KLF8: variants seen among roughly 807,000 people sequenced by gnomAD.
KLF8 encodes Krueppel-like factor 8.
KLF8 carries 10 observed loss-of-function variants against 18.2 expected under a neutral mutation model. That is an observed-to-expected ratio of 0.55 (90% CI 0.34 to 0.93). The LOEUF (loss-of-function observed/expected upper bound fraction) is 0.93, where lower values mean the gene tolerates loss of function less well. Among genes scored for constraint, KLF8 ranks in the 40% least tolerant of loss-of-function variants. The probability of loss-of-function intolerance (pLI) is 0.02; values close to 1 mark genes in which losing one functional copy is unlikely to be tolerated. For synonymous variants in KLF8, 109 were observed against 97.3 expected (o/e 1.12, Z -0.71); for missense variants, 264 against 277.9 (o/e 0.95, Z 0.36).
At chrX:56,192,148 G>T in the KLF8 span, among the ~76,000 whole-genome samples, 1 of 111,698 alleles carries the variant, frequency 9.0e-6, no homozygotes, top group Non-Finnish European at 1.9e-5. Flanking sequence ...AAGTGAACAT[G>T]CAAAAATCAG....
chrX:56,081,563 T>C, the KLF8 span, among the ~76,000 whole-genome samples: 3 of 112,209 alleles, frequency 2.7e-5, no homozygotes, highest in Admixed American at 2.8e-4. Flanking sequence ...TTCCTGATTT[T>C]ATTGGGAAAC....
chrX:56,109,751 A>G, the KLF8 span, among the ~76,000 whole-genome samples: 1 of 76,372 alleles, frequency 1.3e-5, no homozygotes, highest in African/African-American at 5.0e-5. Context: ...TGTTTCTCAT[A>G]ACTTATTTTT....
At chrX:56,082,600 A>G in the KLF8 span, among the ~76,000 whole-genome samples, 2 of 110,092 alleles carry the variant, frequency 1.8e-5, no homozygotes, top group African/African-American at 6.6e-5. Context: ...ACAGCTATAA[A>G]TTGCCCTTTT....
chrX:56,044,437 T>C, the KLF8 span, among the ~76,000 whole-genome samples: 1 of 112,420 alleles, frequency 8.9e-6, no homozygotes, highest in African/African-American at 3.2e-5. Context: ...AGATGTCAGC[T>C]TATCATCCCA....
chrX:56,033,161 T>A, the KLF8 span, among the ~76,000 whole-genome samples: 1 of 111,435 alleles, frequency 9.0e-6, no homozygotes, highest in Non-Finnish European at 1.9e-5. Flanking sequence ...ACCTGTACCT[T>A]CTTAGCAACA....
chrX:56,194,568 G>T, the KLF8 span, among the ~76,000 whole-genome samples: 1 of 112,539 alleles, frequency 8.9e-6, no homozygotes, highest in East Asian at 2.8e-4. Context: ...TGCTCGAACT[G>T]GGCAGAGCCC....
the KLF8 span, among the ~76,000 whole-genome samples, chrX:55,956,949 A>G: frequency 9.0e-6 from 1 of 111,508 alleles, no homozygotes; most frequent in Non-Finnish European, 1.9e-5. Flanking sequence ...GCTTTTGGTG[A>G]CATATCCAAG....
At chrX:56,012,798 G>A in the KLF8 span, among the ~76,000 whole-genome samples, 3 of 111,210 alleles carry the variant, frequency 2.7e-5, no homozygotes, top group Non-Finnish European at 5.7e-5. Context: ...GTAATTTATA[G>A]ATTCAGTGCT....
chrX:56,122,580 T>C, the KLF8 span, among the ~76,000 whole-genome samples: 1 of 111,391 alleles, frequency 9.0e-6, no homozygotes, highest in South Asian at 3.7e-4. Context: ...CATGTGTTAT[T>C]TTTTAATTAA....
At chrX:56,113,554 G>GTTTTTTTTTTT in the KLF8 span, among the ~76,000 whole-genome samples, 16 of 34,649 alleles carry the variant, frequency 4.6e-4, no homozygotes, top group African/African-American at 7.6e-4. Context: ...GGCAGGGATA[G>GTTTTTTTTTTT]TTTTTTTTTT....
chrX:56,242,921 G>A (rs2066566007), intron 1 of KLF8: 2 of 432,296 alleles, frequency 4.6e-6, no homozygotes, highest in African/African-American at 4.9e-5. Flanking sequence ...TTTAGAATTA[G>A]TCAGCTGGAC....
chrX:56,221,828 G>C, the KLF8 span, among the ~76,000 whole-genome samples: 6 of 111,820 alleles, frequency 5.4e-5, no homozygotes, highest in Admixed American at 3.8e-4. Context: ...TCCACAGTTT[G>C]GAAGGGGACC....
At chrX:55,953,550 G>T in the KLF8 span, among the ~76,000 whole-genome samples, 1 of 110,616 alleles carries the variant, frequency 9.0e-6, no homozygotes, top group East Asian at 2.8e-4. Flanking sequence ...GAATTTAGGG[G>T]AATCATGTTT....
chrX:56,140,445 T>C, the KLF8 span, among the ~76,000 whole-genome samples: 1 of 111,660 alleles, frequency 9.0e-6, no homozygotes, highest in African/African-American at 3.3e-5. Flanking sequence ...AACAAGGTCA[T>C]GTACTTTGCA....
chrX:56,104,326 G>T, the KLF8 span, among the ~76,000 whole-genome samples: 2 of 111,418 alleles, frequency 1.8e-5, no homozygotes, highest in African/African-American at 3.3e-5. Flanking sequence ...GAATTCGGTT[G>T]TGAATCCATC....
chrX:56,209,054 G>C, the KLF8 span, among the ~76,000 whole-genome samples: 1 of 111,616 alleles, frequency 9.0e-6, no homozygotes, highest in African/African-American at 3.3e-5. Context: ...TCCTGAAAGG[G>C]GAGTGTTGAA....
the KLF8 span, among the ~76,000 whole-genome samples, chrX:56,084,366 G>A: frequency 9.0e-6 from 1 of 111,010 alleles, no homozygotes; most frequent in African/African-American, 3.3e-5. Context: ...CTGGGCCATA[G>A]TGAGACCCTG....
At chrX:56,206,636 C>T in the KLF8 span, among the ~76,000 whole-genome samples, 1 of 112,546 alleles carries the variant, frequency 8.9e-6, no homozygotes, top group Non-Finnish European at 1.9e-5. Flanking sequence ...ACTGTGGCTT[C>T]TTAGGGTACA....
chrX:56,013,833 T>C, the KLF8 span, among the ~76,000 whole-genome samples: 3 of 111,744 alleles, frequency 2.7e-5, no homozygotes, highest in Non-Finnish European at 3.8e-5. Context: ...TTTTCTTTTA[T>C]GAATTACCCA....
Sources: allele counts gnomAD v4.1 joint callset (sites outside exome capture counted in the v4.1 genomes callset), GRCh38; gene constraint gnomAD v4.1.1; transcripts MANE v1.5; gene names NCBI Gene and HGNC (gene_info 2026-07-23, HGNC 2026-07-21).